The following CNTNAP4 variants were observed in gnomAD, a reference collection of about 807,000 sequenced individuals.
The protein encoded by CNTNAP4 is contactin associated protein family member 4, also known as contactin-associated protein-like 4.
CNTNAP4 carries 98 observed loss-of-function variants against 148.4 expected under a neutral mutation model. The ratio of observed to expected loss-of-function variants is 0.66; its 90% CI spans 0.56 to 0.78. The LOEUF (loss-of-function observed/expected upper bound fraction) is 0.78, where lower values mean the gene tolerates loss of function less well. Among genes scored for constraint, CNTNAP4 ranks in the 30% least tolerant of loss-of-function variants. CNTNAP4 has a pLI of 0.00. For synonymous variants in CNTNAP4, 730 were observed against 565.1 expected, an observed-to-expected ratio of 1.29 and a Z score of -4.14; for missense variants, 1,935 against 1,565.6, an observed-to-expected ratio of 1.24 and a Z score of -3.98.
At chr16:76,357,230 C>G (rs16944300) in intron 3 of CNTNAP4, among the ~76,000 whole-genome samples, 4 of 152,142 alleles carry the variant, frequency 2.6e-5, no homozygotes, top group African/African-American at 9.7e-5. Context: ...ATCTTCTGCT[C>G]TTTTTTGAAT....
At chr16:76,500,885 G>T (rs2082611578) in intron 15 of CNTNAP4, among the ~76,000 whole-genome samples, 1 of 152,036 alleles carries the variant, frequency 6.6e-6, no homozygotes, top group Non-Finnish European at 1.5e-5. Flanking sequence ...CATTAAATAT[G>T]TATGCTTTTA....
intron 21 of CNTNAP4, among the ~76,000 whole-genome samples, chr16:76,543,651 G>A (rs1390881099): frequency 6.6e-6 from 1 of 152,186 alleles, no homozygotes; most frequent in African/African-American, 2.4e-5. Context: ...ATTTAGCAAT[G>A]TTCAGGGAGC....
chr16:76,429,145 C>G (rs981830153), intron 4 of CNTNAP4, among the ~76,000 whole-genome samples: 14 of 152,248 alleles, frequency 9.2e-5, no homozygotes, highest in Admixed American at 4.6e-4. Context: ...CTTAGCTACA[C>G]CATGTTAGTT....
chr16:76,476,258 G>A (rs777676073), intron 11 of CNTNAP4, among the ~76,000 whole-genome samples: 2 of 152,164 alleles, frequency 1.3e-5, no homozygotes, highest in East Asian at 1.9e-4. Context: ...GAAGATGAAA[G>A]GTAGCTAAGG....
intron 15 of CNTNAP4, among the ~76,000 whole-genome samples, chr16:76,502,995 A>T (rs1231804565): frequency 6.6e-6 from 1 of 152,112 alleles, no homozygotes; most frequent in Non-Finnish European, 1.5e-5. Flanking sequence ...CAATTTATTT[A>T]TGTTGTCTTT....
chr16:76,370,429 G>A (rs748583570), intron 3 of CNTNAP4, among the ~76,000 whole-genome samples: 3 of 152,144 alleles, frequency 2.0e-5, no homozygotes, highest in Admixed American at 6.5e-5. Flanking sequence ...TCTTTTGGGG[G>A]CTGGAGCCTT....
At chr16:76,513,573 C>G (rs563792736) in intron 15 of CNTNAP4, among the ~76,000 whole-genome samples, 1 of 152,172 alleles carries the variant, frequency 6.6e-6, no homozygotes, top group South Asian at 2.1e-4. Flanking sequence ...TTATTTTAGT[C>G]TAATACTTTA....
Position 76,538,235 on chromosome 16 carries a change from A to G in CNTNAP4, c.3115A>G (p.Arg1039Gly), listed in dbSNP as rs1427750413. ...ATTTCATGGTGATATGAAGCTGAGCAGAGAAATGATCAAATTTAGTTTCCG... is the reference window on the plus strand; with the variant it reads ...ATTTCATGGTGATATGAAGCTGAGCGGAGAAATGATCAAATTTAGTTTCCG... Reference protein sequence around the residue: ...ASFHGDMKLSREMIKFSFRTT... With the variant: ...ASFHGDMKLSGEMIKFSFRTT... Residue 1039 changes from arginine to glycine, a missense_variant, in exon 19 of 24, where the codon AGA (arginine) becomes GGA (glycine). Arg to Gly is a moderately radical substitution (Grantham distance 125). Coordinates refer to ENST00000611870, the MANE Select transcript of CNTNAP4 (RefSeq NM_033401.5). 1 of 1,611,902 alleles carries G rather than the reference A, an allele frequency of 6.2e-7. No homozygotes were observed. Among genetic ancestry groups the G allele is most frequent in the Non-Finnish European group, 8.5e-7 (1 of 1,179,164 alleles).
intron 8 of CNTNAP4, among the ~76,000 whole-genome samples, chr16:76,456,823 A>C (rs1199053973): frequency 6.6e-6 from 1 of 151,724 alleles, no homozygotes; most frequent in Non-Finnish European, 1.5e-5. Context: ...TAGGTTTTGG[A>C]GTCAGTCTTG....
rs567962056 is a variant in CNTNAP4 at position 76,322,053 on chromosome 16, G to A, written c.196+5530G>A. ...GCACTGGAGATGCCCTGTACTTGTG[G>A]AGTTTGTTGGAAAACAGAACATGCC... is the stretch of plus-strand genomic sequence containing the variant. On this transcript the variant is annotated intron_variant, in intron 2 of 23. Coordinates refer to ENST00000611870, the MANE Select transcript of CNTNAP4 (RefSeq NM_033401.5). 7.3e-4 allele frequency among the ~76,000 whole-genome samples: 111 copies of A among 152,228 alleles called. 1 individual carries two copies. The highest frequency in any genetic ancestry group is 2.5e-3 in the African/African-American group (104 of 41,546).
chr16:76,330,524 A>C (rs1963409599), intron 2 of CNTNAP4, among the ~76,000 whole-genome samples: 1 of 152,186 alleles, frequency 6.6e-6, no homozygotes, highest in Admixed American at 6.5e-5. Context: ...ATATCCAGCT[A>C]ATATTCTGCA....
intron 3 of CNTNAP4, among the ~76,000 whole-genome samples, chr16:76,397,179 A>G (rs1421133549): frequency 6.6e-6 from 1 of 151,960 alleles, no homozygotes; most frequent in African/African-American, 2.4e-5. Flanking sequence ...CGTAGGTGAT[A>G]CCTGAACCAA....
intron 10 of CNTNAP4, among the ~76,000 whole-genome samples, chr16:76,469,209 A>G (rs2081283551): frequency 6.6e-6 from 1 of 152,204 alleles, no homozygotes; most frequent in Non-Finnish European, 1.5e-5. Context: ...GTTTAAAACA[A>G]TTTGCAGAGA....
intron 1 of CNTNAP4, among the ~76,000 whole-genome samples, chr16:76,294,167 A>T (rs937382855): frequency 2.0e-5 from 3 of 152,198 alleles, no homozygotes; most frequent in Admixed American, 2.0e-4. Context: ...GTGGTGAGGT[A>T]CGATGATAAA....
chr16:76,369,162 A>T (rs1406472196), intron 3 of CNTNAP4, among the ~76,000 whole-genome samples: 1 of 152,132 alleles, frequency 6.6e-6, no homozygotes, highest in Non-Finnish European at 1.5e-5. Flanking sequence ...ACATCCTAAA[A>T]GATTGGAATG....
intron 14 of CNTNAP4, chr16:76,495,322 G>C (rs992587185): frequency 4.4e-6 from 1 of 229,084 alleles, no homozygotes; most frequent in Admixed American, 5.2e-5. Context: ...CTGTTATATG[G>C]GGAATTAATT....
At chr16:76,502,801 T>C (rs993295691) in intron 15 of CNTNAP4, among the ~76,000 whole-genome samples, 1 of 152,050 alleles carries the variant, frequency 6.6e-6, no homozygotes, top group African/African-American at 2.4e-5. Context: ...ATTAACACTT[T>C]TTTTTTTTAA....
At chr16:76,469,996 C>G (rs1241024156) in intron 10 of CNTNAP4, among the ~76,000 whole-genome samples, 9 of 151,780 alleles carry the variant, frequency 5.9e-5, no homozygotes, top group Non-Finnish European at 1.0e-4. Flanking sequence ...TAAATGGAGC[C>G]TTAAAAAAAA....
chr16:76,435,342 C>T (rs897373881), intron 4 of CNTNAP4, among the ~76,000 whole-genome samples: 1 of 152,126 alleles, frequency 6.6e-6, no homozygotes, highest in Non-Finnish European at 1.5e-5. Flanking sequence ...TTAGCCAATG[C>T]CAGAGCTCTA....
Sources: gnomAD v4.1 joint callset for allele counts (sites outside exome capture counted in the v4.1 genomes callset) on GRCh38, gnomAD v4.1.1 for gene constraint, MANE v1.5 for transcripts, NCBI Gene and HGNC (gene_info 2026-07-23, HGNC 2026-07-21) for gene names.